Variants in SPRR2G observed in about 807,000 individuals in gnomAD.
SPRR2G encodes the protein small proline rich protein 2G.
SPRR2G carries 1 observed loss-of-function variant against 0.7 expected under a neutral mutation model. The ratio of observed to expected loss-of-function variants is 1.49; its 90% CI spans 0.53 to 7.06. SPRR2G has a LOEUF of 7.06. SPRR2G is among the 30% of genes most tolerant of loss of function. The pLI, the probability that SPRR2G is intolerant of heterozygous loss-of-function variation, is 0.14. For synonymous variants in SPRR2G, 38 were observed against 33.9 expected, an observed-to-expected ratio of 1.12 and a Z score of -0.42; for missense variants, 96 against 88.5, an observed-to-expected ratio of 1.09 and a Z score of -0.34.
chr1:153,160,469 C>A, the SPRR2G span, among the ~76,000 whole-genome samples: 1 of 152,196 alleles, frequency 6.6e-6, no homozygotes, highest in Non-Finnish European at 1.5e-5. Context: ...GAGGAAACTG[C>A]ATACTGTTTT....
At chr1:153,195,234 A>C in the SPRR2G span, among the ~76,000 whole-genome samples, 1 of 152,254 alleles carries the variant, frequency 6.6e-6, no homozygotes, top group South Asian at 2.1e-4. Context: ...CACCCTCTCC[A>C]ATCTCTTTCT....
chr1:153,154,718 A>G (rs925746880), upstream of SPRR2G, among the ~76,000 whole-genome samples: 6 of 151,734 alleles, frequency 4.0e-5, no homozygotes, highest in African/African-American at 7.3e-5. Context: ...TTCATATTTG[A>G]TTTTATTAAT....
At chr1:153,156,795 G>C in the SPRR2G span, among the ~76,000 whole-genome samples, 1 of 152,180 alleles carries the variant, frequency 6.6e-6, no homozygotes, top group Admixed American at 6.5e-5. Flanking sequence ...TTTGGGGAGA[G>C]AGGTAAAGAG....
chr1:153,171,097 G>A, the SPRR2G span, among the ~76,000 whole-genome samples: 22,851 of 152,110 alleles, frequency 0.15, 2,507 homozygotes, highest in African/African-American at 0.31. Context: ...CTTGTCACTA[G>A]TGTTTATTTG....
At chr1:153,172,617 G>A in the SPRR2G span, among the ~76,000 whole-genome samples, 56 of 152,150 alleles carry the variant, frequency 3.7e-4, no homozygotes, top group African/African-American at 1.1e-3. Flanking sequence ...TGGAGTTTCC[G>A]GTACAAAAAA....
the SPRR2G span, among the ~76,000 whole-genome samples, chr1:153,193,820 A>G: frequency 6.6e-6 from 1 of 152,060 alleles, no homozygotes; most frequent in Non-Finnish European, 1.5e-5. Context: ...TCACTCCCAC[A>G]TCTCCATCCA....
chr1:153,192,870 C>T, the SPRR2G span, among the ~76,000 whole-genome samples: 3 of 152,174 alleles, frequency 2.0e-5, no homozygotes, highest in Non-Finnish European at 2.9e-5. Flanking sequence ...ATCCACTGTC[C>T]GGCCCCAAAC....
chr1:153,163,661 T>A, the SPRR2G span, among the ~76,000 whole-genome samples: 2 of 152,184 alleles, frequency 1.3e-5, no homozygotes, highest in Non-Finnish European at 2.9e-5. Context: ...AGCTCAGTCC[T>A]TCCTACTCAC....
the SPRR2G span, among the ~76,000 whole-genome samples, chr1:153,167,663 G>A: frequency 6.6e-6 from 1 of 152,080 alleles, no homozygotes; most frequent in Non-Finnish European, 1.5e-5. Context: ...AATGTACAAT[G>A]GAGGATAACT....
chr1:153,160,516 GTA>G, the SPRR2G span, among the ~76,000 whole-genome samples: 4,923 of 152,292 alleles, frequency 0.032, 505 homozygotes, highest in East Asian at 0.35. Flanking sequence ...CATGCCAACA[GTA>G]TGTAAGTGCT....
the SPRR2G span, among the ~76,000 whole-genome samples, chr1:153,166,857 G>T: frequency 6.8e-6 from 1 of 146,540 alleles, no homozygotes; most frequent in Admixed American, 7.0e-5. Context: ...TTAGGAAGTT[G>T]AGTATCACAG....
At chr1:153,157,674 G>C in the SPRR2G span, among the ~76,000 whole-genome samples, 2 of 152,014 alleles carry the variant, frequency 1.3e-5, no homozygotes, top group African/African-American at 2.4e-5. Context: ...GTTTGGTTTG[G>C]TTTGGGTTGG....
the SPRR2G span, among the ~76,000 whole-genome samples, chr1:153,167,473 CA>C: frequency 9.3e-3 from 1,158 of 124,870 alleles, 20 homozygotes; most frequent in African/African-American, 0.03. Flanking sequence ...AACTCTGTCT[CA>C]AAAAAAAACA....
At chr1:153,164,593 T>C in the SPRR2G span, among the ~76,000 whole-genome samples, 1 of 152,226 alleles carries the variant, frequency 6.6e-6, no homozygotes, top group Middle Eastern at 3.2e-3. Context: ...AAGTCCCTTA[T>C]ATAAAATCAC....
At chr1:153,192,275 G>A in the SPRR2G span, among the ~76,000 whole-genome samples, 1 of 152,098 alleles carries the variant, frequency 6.6e-6, no homozygotes, top group South Asian at 2.1e-4. Context: ...TTCTTCCTTG[G>A]GTTCCTAAGT....
the SPRR2G span, among the ~76,000 whole-genome samples, chr1:153,176,840 T>C: frequency 2.6e-5 from 4 of 152,154 alleles, no homozygotes; most frequent in East Asian, 5.8e-4. Flanking sequence ...GTATGTAGAT[T>C]TCTGGTAGTG....
At chr1:153,164,912 A>G in the SPRR2G span, among the ~76,000 whole-genome samples, 1 of 152,174 alleles carries the variant, frequency 6.6e-6, no homozygotes, top group Non-Finnish European at 1.5e-5. Flanking sequence ...GGATAACAGG[A>G]TAACTTCTAC....
At chr1:153,178,484 T>A in the SPRR2G span, among the ~76,000 whole-genome samples, 1 of 152,172 alleles carries the variant, frequency 6.6e-6, no homozygotes, top group Non-Finnish European at 1.5e-5. Flanking sequence ...TAGAGAAAAT[T>A]TCTTTCTATT....
chr1:153,199,611 A>G, the SPRR2G span, among the ~76,000 whole-genome samples: 2,457 of 152,302 alleles, frequency 0.016, 77 homozygotes, highest in African/African-American at 0.056. Context: ...GCTAATAGAG[A>G]AGATACTCTT....
Sources: allele counts gnomAD v4.1 joint callset (sites outside exome capture counted in the v4.1 genomes callset), GRCh38; gene constraint gnomAD v4.1.1; transcripts MANE v1.5; gene names NCBI Gene and HGNC (gene_info 2026-07-23, HGNC 2026-07-21).